Variants in BDP1 observed in about 807,000 individuals in gnomAD.
BDP1 encodes transcription factor TFIIIB component B'' homolog.
BDP1 carries 169 observed loss-of-function variants against 266.6 expected under a neutral mutation model. That is an observed-to-expected ratio of 0.63 (90% CI 0.56 to 0.72). BDP1 has a LOEUF of 0.72. Ranked by LOEUF, BDP1 falls within the 30% of genes least tolerant of loss-of-function variation. The pLI is 0.00. For synonymous variants in BDP1, 1,090 were observed against 1,022.4 expected (o/e 1.07, Z -1.26); for missense variants, 3,015 against 3,053.8 (o/e 0.99, Z 0.30).
intron 12 of BDP1, among the ~76,000 whole-genome samples, chr5:71,495,668 T>C (rs1763847080): frequency 1.3e-5 from 2 of 152,188 alleles, no homozygotes; most frequent in Non-Finnish European, 1.5e-5. Flanking sequence ...GGTGGTAACT[T>C]ACGAAATTCT....
Position 71,513,422 on chromosome 5 carries a change from G to C in BDP1, c.4470+15G>C, listed in dbSNP as rs375718999. The C allele has an allele frequency of 6.9e-7, 1 of 1,451,152 alleles. No homozygotes were observed. The highest frequency in any genetic ancestry group is 1.5e-5 in the African/African-American group (1 of 68,230). 89.9% of individuals were successfully genotyped at this position (1,451,152 alleles called of 1,614,324 possible). A position where few individuals can be genotyped will look rare whatever the true frequency, so the allele number is the denominator to read the frequency against. ...CTTCTCAACATGTGAGTGTATTTGA[G>C]ATGGAAGTTCTGTGTGGGTGTTTTT... On this transcript the variant is annotated intron_variant, in intron 19 of 38. Coordinates refer to ENST00000358731, the MANE Select transcript of BDP1 (RefSeq NM_018429.3).
Position 71,565,727 on chromosome 5 carries a change from A to C in BDP1, c.*842A>C. 6.5e-6 allele frequency: 1 copy of C among 154,344 alleles called. No individual in the cohort carries two copies. Among genetic ancestry groups the C allele is most frequent in the South Asian group, 1.9e-4 (1 of 5,162 alleles). 9.6% of individuals were successfully genotyped at this position (154,344 alleles called of 1,614,324 possible). On this transcript the variant is annotated 3_prime_UTR_variant, in exon 39 of 39. Transcript: ENST00000358731. ...ACATGTAGTTAAGGGACACGTGACTATATGTGAAAACAAATTGTCAAACTT... is the reference window on the plus strand; with the variant it reads ...ACATGTAGTTAAGGGACACGTGACTCTATGTGAAAACAAATTGTCAAACTT...
intron 9 of BDP1, among the ~76,000 whole-genome samples, chr5:71,487,490 G>A (rs1763337427): frequency 6.6e-6 from 1 of 152,130 alleles, no homozygotes; most frequent in Non-Finnish European, 1.5e-5. Flanking sequence ...TGATATGCCT[G>A]CCTCGGCCTC....
intron 13 of BDP1, among the ~76,000 whole-genome samples, chr5:71,499,433 A>G (rs572081111): frequency 6.6e-6 from 1 of 152,220 alleles, no homozygotes; most frequent in Non-Finnish European, 1.5e-5. Flanking sequence ...CCTGGCCAAC[A>G]TGGCGAAATC....
At position 71,557,375 on chromosome 5, in the gene BDP1, A is replaced by ATTTTTT. The variant is rs55810132; in HGVS notation, c.7240+472_7240+477dup. Among the ~76,000 whole-genome samples the ATTTTTT allele has an allele frequency of 8.1e-4, 84 of 103,340 alleles. 9 individuals are homozygous for ATTTTTT. The highest frequency in any genetic ancestry group is 2.4e-3 in the African/African-American group (54 of 22,638). 67.8% of individuals were successfully genotyped at this position (103,340 alleles called of 152,430 possible). On this transcript the variant is annotated intron_variant, in intron 36 of 38. Transcript: ENST00000358731. ...AGGCATGCGCCACTATGCCAAGCTA[A>ATTTTTT]TTTTTTTTTTTTTTTTTTTTTTTTT... is the stretch of plus-strand genomic sequence containing the variant.
At chr5:71,575,419 A>C in the BDP1 span, among the ~76,000 whole-genome samples, 1 of 152,240 alleles carries the variant, frequency 6.6e-6, no homozygotes, top group African/African-American at 2.4e-5. Flanking sequence ...CAACTTCAGC[A>C]GCTAGTAAAA....
rs757187874 is a variant in BDP1 at position 71,509,763 on chromosome 5, G to A, written c.2671G>A (p.Val891Met). Residue 891 changes from valine (V) to methionine (M), a missense_variant, in exon 17 of 39, where the codon GTG (valine) becomes ATG (methionine). Physicochemically the swap from Val to Met is conservative, Grantham distance 21. Coordinates refer to ENST00000358731, the MANE Select transcript of BDP1 (RefSeq NM_018429.3). ...AISPREKILD[V>M]IDDTIEMETG... ...TTCTCCCAGGGAGAAGATTCTAGAT[G>A]TGATTGATGACACCATAGAAATGGA... 5 of 1,614,188 alleles carry A rather than the reference G, an allele frequency of 3.1e-6. No individual in the cohort carries two copies. Among genetic ancestry groups the A allele is most frequent in the Non-Finnish European group, 4.2e-6 (5 of 1,180,016 alleles).
At position 71,565,591 on chromosome 5, in the gene BDP1, A is replaced by G. The variant is rs1743981564; in HGVS notation, c.*706A>G. 1 of 152,604 alleles carries G rather than the reference A, an allele frequency of 6.6e-6. No homozygotes were observed. The highest frequency in any genetic ancestry group is 6.5e-5 in the Admixed American group (1 of 15,304). 9.5% of individuals were successfully genotyped at this position (152,604 alleles called of 1,614,324 possible). ...GTTTGTAGCCGAGGAGCAATAGGCT[A>G]TACCACATAGCCTCAGTCTGTACGG... On this transcript the variant is annotated 3_prime_UTR_variant, in exon 39 of 39. Coordinates refer to ENST00000358731, the MANE Select transcript of BDP1 (RefSeq NM_018429.3).
At chr5:71,517,575 A>G (rs1018595538) in intron 22 of BDP1, 123 bp downstream of exon 22, 2 of 769,692 alleles carry the variant, frequency 2.6e-6, no homozygotes, top group East Asian at 2.9e-5. Context: ...AAAGTAATAA[A>G]TACTTGTGAT....
chr5:71,564,384 T>A (rs1386974735), intron 38 of BDP1, among the ~76,000 whole-genome samples: 1 of 152,120 alleles, frequency 6.6e-6, no homozygotes, highest in Admixed American at 6.6e-5. Flanking sequence ...TTAACCATAT[T>A]ATATTTTTCT....
At position 71,495,554 on chromosome 5, in the gene BDP1, C is replaced by T. The variant is rs569009916; in HGVS notation, c.1799+146C>T. 4.6e-5 allele frequency: 23 copies of T among 495,968 alleles called. 1 individual carries two copies. In the South Asian group the frequency reaches 5.5e-4, roughly 12 times the overall value. 30.7% of individuals were successfully genotyped at this position (495,968 alleles called of 1,614,324 possible). A position where few individuals can be genotyped will look rare whatever the true frequency, so the allele number is the denominator to read the frequency against. ...GGGAATCATTTAATATGTAATTATA[C>T]TGTAGTCTGTTCAGAGTGTAACATC... On this transcript the variant is annotated intron_variant, in intron 12 of 38. Coordinates refer to ENST00000358731, the MANE Select transcript of BDP1 (RefSeq NM_018429.3).
At chr5:71,575,636 T>A in the BDP1 span, among the ~76,000 whole-genome samples, 419 of 152,320 alleles carry the variant, frequency 2.8e-3, 3 homozygotes, top group African/African-American at 9.7e-3. Context: ...TAATAGATCT[T>A]AAGGACTGTT....
intron 22 of BDP1, among the ~76,000 whole-genome samples, chr5:71,519,037 C>T (rs1765364820): frequency 6.6e-6 from 1 of 151,852 alleles, no homozygotes; most frequent in Non-Finnish European, 1.5e-5. Context: ...CCAACCTGGT[C>T]TCGAACTCCT....
chr5:71,522,285 C>G lies in BDP1; in HGVS notation c.4992-4C>G. 6.2e-7 allele frequency: 1 copy of G among 1,609,236 alleles called. No individual in the cohort carries two copies. The highest frequency in any genetic ancestry group is 8.5e-7 in the Non-Finnish European group (1 of 1,177,408). On this transcript the variant is annotated splice_polypyrimidine_tract_variant and splice_region_variant and intron_variant, in intron 22 of 38. Transcript: ENST00000358731. ...TCTTCAACATGATTCATACTTCATT[C>G]TAGACATGAAAATAAACCGTATGTT...
intron 32 of BDP1, among the ~76,000 whole-genome samples, chr5:71,545,859 G>T (rs113783784): frequency 1.3e-5 from 2 of 151,512 alleles, no homozygotes; most frequent in Non-Finnish European, 2.9e-5. Context: ...AAAAAGCCAG[G>T]CATGGTGGCA....
intron 7 of BDP1, among the ~76,000 whole-genome samples, chr5:71,482,456 T>A (rs1763019568): frequency 1.3e-5 from 2 of 152,200 alleles, no homozygotes; most frequent in Non-Finnish European, 2.9e-5. Flanking sequence ...TAAAAGTCAT[T>A]CGTGGTGGAG....
At chr5:71,549,108 TGCAC>T (rs1476559670) in intron 33 of BDP1, among the ~76,000 whole-genome samples, 2 of 152,148 alleles carry the variant, frequency 1.3e-5, no homozygotes, top group Non-Finnish European at 2.9e-5. Context: ...CACGGTGGCA[TGCAC>T]CTGTAATCCC....
intron 32 of BDP1, among the ~76,000 whole-genome samples, chr5:71,547,050 A>G (rs1374451688): frequency 6.6e-6 from 1 of 152,024 alleles, no homozygotes; most frequent in Non-Finnish European, 1.5e-5. Context: ...ATGGGGTTTC[A>G]CTATGTTGGC....
At chr5:71,497,511 A>C in intron 13 of BDP1, 85 bp downstream of exon 13, 1 of 1,021,260 alleles carries the variant, frequency 9.8e-7, no homozygotes, top group South Asian at 1.7e-5. Flanking sequence ...ACTTGAAATT[A>C]CAAAGTACTG....
Sources: gnomAD v4.1 joint callset for allele counts (sites outside exome capture counted in the v4.1 genomes callset) on GRCh38, gnomAD v4.1.1 for gene constraint, MANE v1.5 for transcripts, NCBI Gene and HGNC (gene_info 2026-07-23, HGNC 2026-07-21) for gene names.